The following GPRC5A variants were observed in gnomAD, a reference collection of about 807,000 sequenced individuals.
GPRC5A encodes the protein retinoic acid-induced protein 3.
GPRC5A carries 19 observed loss-of-function variants against 22.5 expected under a neutral mutation model. The ratio of observed to expected loss-of-function variants is 0.85; its 90% confidence interval spans 0.59 to 1.24. GPRC5A has a LOEUF of 1.24. Among genes scored for constraint, GPRC5A ranks in the 50% most tolerant of loss-of-function variants. GPRC5A has a pLI of 0.00. For missense variants in GPRC5A, 471 were observed against 451.1 expected (o/e 1.04, Z -0.40); for synonymous variants, 192 against 184.5 (o/e 1.04, Z -0.33).
At chr12:12,896,771 C>T (rs1031002658) in intron 1 of GPRC5A, among the ~76,000 whole-genome samples, 1 of 152,156 alleles carries the variant, frequency 6.6e-6, no homozygotes, top group African/African-American at 2.4e-5. Context: ...ACGCCACCTT[C>T]CTATCTTCCT....
At position 12,905,477 on chromosome 12, in the gene GPRC5A, G is replaced by A. The variant is rs531907284; in HGVS notation, c.-7-2766G>A. ...AAAAACTCAAGAAAAAAAATCCCAT[G>A]CCCAAAAAGCATGGAACACAACAAA... On this transcript the variant is annotated intron_variant, in intron 1 of 3. Coordinates refer to ENST00000014914, the MANE Select transcript of GPRC5A (RefSeq NM_003979.4). Among the ~76,000 whole-genome samples, 3 of 152,244 alleles carry A rather than the reference G, an allele frequency of 2.0e-5. No homozygotes were observed. The East Asian group carries it at 5.8e-4, about 29-fold the overall frequency.
intron 1 of GPRC5A, among the ~76,000 whole-genome samples, chr12:12,897,938 A>T (rs1346610095): frequency 6.6e-6 from 1 of 151,464 alleles, no homozygotes; most frequent in East Asian, 1.9e-4. Context: ...TCCTTTGCGG[A>T]CTCCTACCTA....
rs1019459649 is a variant in GPRC5A at position 12,913,670 on chromosome 12, G to C, written c.*1131G>C. 3 of 152,238 alleles carry C rather than the reference G, an allele frequency of 2.0e-5. No homozygotes were observed. The highest frequency in any genetic ancestry group is 7.2e-5 in the African/African-American group (3 of 41,450). The allele number at this position is 152,238 out of a possible 1,614,324, so 9.4% of individuals were successfully genotyped here. A position where few individuals can be genotyped will look rare whatever the true frequency, so the allele number is the denominator to read the frequency against. On this transcript the variant is annotated 3_prime_UTR_variant, in exon 4 of 4. Transcript: ENST00000014914. ...TGGTGGCAGCAGTTACCAGTAATGA[G>C]CATTAGACTCTGGGGGATAGAACAC...
At position 12,912,013 on chromosome 12, in the gene GPRC5A, A is replaced by G. The variant is rs531302271; in HGVS notation, c.923-71A>G. The G allele has an allele frequency of 8.5e-5, 77 of 904,212 alleles. No individual in the cohort carries two copies. The East Asian group carries it at 1.3e-3, about 15-fold the overall frequency. 56.0% of individuals were successfully genotyped at this position (904,212 alleles called of 1,614,324 possible). A position where few individuals can be genotyped will look rare whatever the true frequency, so the allele number is the denominator to read the frequency against. On this transcript the variant is annotated intron_variant, in intron 2 of 3. Coordinates refer to ENST00000014914, the MANE Select transcript of GPRC5A (RefSeq NM_003979.4). ...TAAATGGGCAAGATGTCACACTGTG[A>G]TAAGTGATACAATGGGGTGAACATA...
chr12:12,908,816 G>T lies in GPRC5A; in HGVS notation c.567G>T (p.Ala189=). 1 of 1,614,048 alleles carries T rather than the reference G, an allele frequency of 6.2e-7. No individual in the cohort carries two copies. The highest frequency in any genetic ancestry group is 8.5e-7 in the Non-Finnish European group (1 of 1,179,944). The change falls in exon 2 of 4, where the codon GCG becomes GCT. Residue 189 remains alanine, a synonymous_variant. Coordinates refer to ENST00000014914, the MANE Select transcript of GPRC5A (RefSeq NM_003979.4). ...TCACCTACGTCCTCTTCTTGATGGC[G>T]CTGACCTTCCTCATGTCCTCCTTCA... ...LLLTYVLFLM[A]LTFLMSSFTF...
rs985574641 is a variant in GPRC5A at position 12,911,488 on chromosome 12, C to CT, written c.923-582dup. 6.4e-3 allele frequency among the ~76,000 whole-genome samples: 916 copies of CT among 142,540 alleles called. 8 individuals carry two copies. The highest frequency in any genetic ancestry group is 0.017 in the African/African-American group (649 of 39,146). The allele number at this position is 142,540 out of a possible 152,430, so 93.5% of individuals were successfully genotyped here. A position where few individuals can be genotyped will look rare whatever the true frequency, so the allele number is the denominator to read the frequency against. The stretch of plus-strand genomic sequence containing the variant: ...AAATGACTGGTTTTTATGACTTTTT[C>CT]TTTTTTTTTTTTTTGTTTGAGACAG... On this transcript the variant is annotated intron_variant, in intron 2 of 3. Transcript: ENST00000014914.
At chr12:12,894,622 T>C (rs1863800886) in intron 1 of GPRC5A, among the ~76,000 whole-genome samples, 1 of 151,994 alleles carries the variant, frequency 6.6e-6, no homozygotes, top group Non-Finnish European at 1.5e-5. Context: ...TAGCCTAGGC[T>C]TGACTCAAAC....
chr12:12,904,884 GTT>G (rs146219111), intron 1 of GPRC5A, among the ~76,000 whole-genome samples: 265 of 127,200 alleles, frequency 2.1e-3, no homozygotes, highest in East Asian at 3.4e-3. Context: ...AAATTTTGTG[GTT>G]TTTTTTTTTT....
chr12:12,906,431 G>T (rs1038070488), intron 1 of GPRC5A, among the ~76,000 whole-genome samples: 6 of 152,052 alleles, frequency 3.9e-5, no homozygotes, highest in Non-Finnish European at 8.8e-5. Context: ...TTAGCGGGGT[G>T]TGGTGGCACA....
rs761176673 is a variant in GPRC5A at position 12,917,249 on chromosome 12, T to C, written c.*4710T>C. Reference sequence around the variant, plus strand: ...GTGTGTGTGTGTGTGTGTGTGTGTGTGTGCGTGCGTGCGTGTATGTGCGCC... The same window carrying C: ...GTGTGTGTGTGTGTGTGTGTGTGTGCGTGCGTGCGTGCGTGTATGTGCGCC... On this transcript the variant is annotated 3_prime_UTR_variant, in exon 4 of 4. Coordinates refer to ENST00000014914, the MANE Select transcript of GPRC5A (RefSeq NM_003979.4). 15 of 57,680 alleles carry C rather than the reference T, an allele frequency of 2.6e-4. No homozygotes were observed. The highest frequency in any genetic ancestry group is 2.9e-3 in the East Asian group (1 of 344). 3.6% of individuals were successfully genotyped at this position (57,680 alleles called of 1,614,324 possible).
intron 1 of GPRC5A, among the ~76,000 whole-genome samples, chr12:12,901,889 AC>A (rs1863891831): frequency 3.3e-5 from 5 of 151,932 alleles, no homozygotes; most frequent in Admixed American, 3.3e-4. Context: ...CCGTCCTTTG[AC>A]TTTGGTTACA....
At position 12,909,020 on chromosome 12, in the gene GPRC5A, G is replaced by T; in HGVS notation, c.771G>T (p.Leu257=). The change falls in exon 2 of 4, where the codon CTG becomes CTT. Residue 257 remains leucine, a synonymous_variant. Transcript: ENST00000014914. ...SALAANGWVF[L]LAYVSPEFWL... is the part of the protein sequence containing the mutation. The stretch of plus-strand genomic sequence containing the variant: ...TGGCTGCCAATGGCTGGGTGTTCCT[G>T]TTGGCTTATGTTAGTCCCGAGTTTT... 1 of 1,613,640 alleles carries T rather than the reference G, an allele frequency of 6.2e-7. No individual in the cohort carries two copies. Among genetic ancestry groups the T allele is most frequent in the Non-Finnish European group, 8.5e-7 (1 of 1,180,026 alleles).
chr12:12,909,008 C>G lies in GPRC5A; in HGVS notation c.759C>G (p.Gly253=). ...TILSSALAAN[G]WVFLLAYVSP... ...TCAGCTCCGCCTTGGCTGCCAATGG[C>G]TGGGTGTTCCTGTTGGCTTATGTTA... is the stretch of plus-strand genomic sequence containing the variant. Residue 253 remains glycine (G), a synonymous_variant, in exon 2 of 4, where the codon GGC becomes GGG. Transcript: ENST00000014914. The G allele has an allele frequency of 1.2e-6, 2 of 1,614,002 alleles. No homozygotes were observed. Among genetic ancestry groups the G allele is most frequent in the Non-Finnish European group, 1.7e-6 (2 of 1,180,016 alleles).
intron 1 of GPRC5A, among the ~76,000 whole-genome samples, chr12:12,900,522 C>A (rs774013568): frequency 2.0e-5 from 3 of 152,116 alleles, no homozygotes; most frequent in Admixed American, 2.0e-4. Context: ...GAAATGACTT[C>A]GCCCTCCTCT....
chr12:12,904,910 G>A (rs1439120933), intron 1 of GPRC5A, among the ~76,000 whole-genome samples: 1 of 138,130 alleles, frequency 7.2e-6, no homozygotes, highest in Non-Finnish European at 1.5e-5. Context: ...TTTTGAGATG[G>A]AATCTCTCTC....
rs920289456 is a variant in GPRC5A, at chr12:12,897,096, G to A, written c.-8+5432G>A. On this transcript the variant is annotated intron_variant, in intron 1 of 3. Transcript: ENST00000014914. ...ATAATAATTAGCTGGATGTGGTGGC[G>A]CATGCTTGTAATCCAAGCTACTTAG... Among the ~76,000 whole-genome samples, 3 of 151,816 alleles carry A rather than the reference G, an allele frequency of 2.0e-5. 1 individual carries two copies. Among genetic ancestry groups the A allele is most frequent in the Middle Eastern group, 6.3e-3 (2 of 316 alleles).
chr12:12,910,955 C>G (rs959575628), intron 2 of GPRC5A, among the ~76,000 whole-genome samples: 6 of 151,128 alleles, frequency 4.0e-5, no homozygotes, highest in Admixed American at 2.6e-4. Context: ...GCCACAAGCT[C>G]TGCCTCCCAG....
chr12:12,914,475 A>G lies in GPRC5A; in HGVS notation c.*1936A>G, dbSNP rs755339455. 5.3e-5 allele frequency: 8 copies of G among 152,116 alleles called. No individual in the cohort carries two copies. The highest frequency in any genetic ancestry group is 1.2e-4 in the Non-Finnish European group (8 of 68,032). 9.4% of individuals were successfully genotyped at this position (152,116 alleles called of 1,614,324 possible). A position where few individuals can be genotyped will look rare whatever the true frequency, so the allele number is the denominator to read the frequency against. On this transcript the variant is annotated 3_prime_UTR_variant, in exon 4 of 4. Coordinates refer to ENST00000014914, the MANE Select transcript of GPRC5A (RefSeq NM_003979.4). ...CAATGTGGTTTCACATATATTATCT[A>G]TCATAGGCTAGGGACTCAAGAAATG...
At chr12:12,912,281 C>A in intron 3 of GPRC5A, 139 bp downstream of exon 3, 2 of 860,636 alleles carry the variant, frequency 2.3e-6, no homozygotes, top group Middle Eastern at 2.2e-4. Flanking sequence ...TTCCTCTAAG[C>A]GGCCTCACGG....
Sources: gnomAD v4.1 joint callset for allele counts (sites outside exome capture counted in the v4.1 genomes callset) on GRCh38, gnomAD v4.1.1 for gene constraint, MANE v1.5 for transcripts, NCBI Gene and HGNC (gene_info 2026-07-23, HGNC 2026-07-21) for gene names.